Variants in MYO5B observed in about 807,000 individuals in gnomAD.
The protein encoded by MYO5B is unconventional myosin-Vb.
Under a neutral mutation model 229.3 loss-of-function variants are expected in MYO5B, and 143 were observed. The ratio of observed to expected loss-of-function variants is 0.62; its 90% confidence interval spans 0.54 to 0.72. MYO5B has a LOEUF of 0.72. Among genes scored for constraint, MYO5B ranks in the 30% least tolerant of loss-of-function variants. The probability of loss-of-function intolerance (pLI) is 0.00; values close to 1 mark genes in which losing one functional copy is unlikely to be tolerated. For missense variants in MYO5B, 2,321 were observed against 2,331.0 expected (o/e 1.00, Z 0.09); for synonymous variants, 918 against 885.2 (o/e 1.04, Z -0.66).
intron 22 of MYO5B, among the ~76,000 whole-genome samples, chr18:49,892,395 G>A (rs2024725984): frequency 2.0e-5 from 3 of 152,312 alleles, no homozygotes; most frequent in African/African-American, 4.8e-5. Flanking sequence ...GGGCAGCCAC[G>A]TGGCCCACCA....
chr18:49,922,246 C>G (rs968161888), intron 17 of MYO5B, among the ~76,000 whole-genome samples: 3 of 152,196 alleles, frequency 2.0e-5, no homozygotes, highest in Non-Finnish European at 4.4e-5. Flanking sequence ...TTGCTTTATC[C>G]CCAGACACAG....
chr18:50,167,757 C>T (rs2032873440), intron 1 of MYO5B, among the ~76,000 whole-genome samples: 1 of 152,162 alleles, frequency 6.6e-6, no homozygotes, highest in Admixed American at 6.6e-5. Flanking sequence ...AAGAGATTAT[C>T]TCCTATGCCT....
chr18:50,123,665 C>T (rs1386925081), intron 1 of MYO5B, among the ~76,000 whole-genome samples: 3 of 152,272 alleles, frequency 2.0e-5, no homozygotes, highest in East Asian at 3.9e-4. Flanking sequence ...CATGATCGTA[C>T]CACTGCACTC....
chr18:50,125,687 A>T (rs1468664387), intron 1 of MYO5B, among the ~76,000 whole-genome samples: 1 of 152,232 alleles, frequency 6.6e-6, no homozygotes, highest in Admixed American at 6.5e-5. Context: ...AATCAACAGC[A>T]GGAATTCAAA....
At position 50,080,367 on chromosome 18, in the gene MYO5B, C is replaced by G. The variant is rs1203960259; in HGVS notation, c.28-24989G>C. ...TCACTTCCAGGGCAGCCAATCAAAG[C>G]AACTACCTCCCTGAAAGCAAATCTA... is the stretch of plus-strand genomic sequence containing the variant. On this transcript the variant is annotated intron_variant, in intron 1 of 39. Coordinates refer to ENST00000285039, the MANE Select transcript of MYO5B (RefSeq NM_001080467.3). Among the ~76,000 whole-genome samples the G allele has an allele frequency of 2.0e-5, 3 of 152,270 alleles. No individual in the cohort carries two copies. In the East Asian group the frequency reaches 5.8e-4, roughly 29 times the overall value.
intron 39 of MYO5B, among the ~76,000 whole-genome samples, chr18:49,830,723 CTATA>C (rs1003938615): frequency 2.7e-5 from 4 of 149,902 alleles, no homozygotes; most frequent in African/African-American, 9.8e-5. Flanking sequence ...TGGTGCATGC[CTATA>C]TTCCCTGAGG....
At chr18:50,096,590 G>A (rs2031555713) in intron 1 of MYO5B, among the ~76,000 whole-genome samples, 1 of 152,106 alleles carries the variant, frequency 6.6e-6, no homozygotes, top group South Asian at 2.1e-4. Context: ...AAGCCATTGA[G>A]GCTGATCTCC....
Position 49,878,888 on chromosome 18 carries a change from G to A in MYO5B, c.3276+57C>T. 1.9e-6 allele frequency: 3 copies of A among 1,605,144 alleles called. No homozygotes were observed. In the Admixed American group the frequency reaches 5.0e-5, roughly 27 times the overall value. On this transcript the variant is annotated intron_variant, in intron 24 of 39. Transcript: ENST00000285039. ...AGCAGTGCCTGAGATCACGTGGTCA[G>A]AAGCTGGACAGGAGCCAGGGACCTG...
chr18:49,936,447 T>C, intron 15 of MYO5B, 98 bp from the exon 16 acceptor site: 3 of 866,300 alleles, frequency 3.5e-6, no homozygotes, highest in Non-Finnish European at 5.7e-6. Flanking sequence ...ATTGTTACTA[T>C]TATATTATTA....
chr18:49,877,501 G>GA (rs1283381290), intron 25 of MYO5B, among the ~76,000 whole-genome samples: 3 of 143,994 alleles, frequency 2.1e-5, no homozygotes, highest in Non-Finnish European at 4.5e-5. Flanking sequence ...TTTTCAAGAG[G>GA]AATCAGAGAT....
chr18:50,037,479 T>C (rs1178643765), intron 3 of MYO5B, among the ~76,000 whole-genome samples: 1 of 152,242 alleles, frequency 6.6e-6, no homozygotes, highest in African/African-American at 2.4e-5. Flanking sequence ...TGAGATCTAA[T>C]CTTGGCTCAG....
At chr18:50,008,686 G>C (rs1465024092) in intron 4 of MYO5B, among the ~76,000 whole-genome samples, 1 of 152,182 alleles carries the variant, frequency 6.6e-6, no homozygotes, top group Non-Finnish European at 1.5e-5. Flanking sequence ...ACAGGAAGAA[G>C]GGGAAGCCTG....
chr18:49,846,807 T>C (rs1364068745), intron 33 of MYO5B, among the ~76,000 whole-genome samples: 5 of 152,110 alleles, frequency 3.3e-5, no homozygotes, highest in Admixed American at 3.3e-4. Context: ...GCCAAAGCAC[T>C]GTGGCCTGCA....
chr18:50,132,796 T>C (rs2032274674), intron 1 of MYO5B, among the ~76,000 whole-genome samples: 1 of 152,226 alleles, frequency 6.6e-6, no homozygotes, highest in Admixed American at 6.5e-5. Context: ...TCCAAGTACC[T>C]TGGCTGAAGC....
chr18:50,021,321 G>C (rs1475558156), intron 4 of MYO5B, among the ~76,000 whole-genome samples: 1 of 152,200 alleles, frequency 6.6e-6, no homozygotes, highest in African/African-American at 2.4e-5. Flanking sequence ...TCCATGGAGA[G>C]AGACACAAGA....
At chr18:50,120,805 G>GC (rs1368866104) in intron 1 of MYO5B, among the ~76,000 whole-genome samples, 1 of 152,168 alleles carries the variant, frequency 6.6e-6, no homozygotes, top group Admixed American at 6.5e-5. Flanking sequence ...CCCCAGGCTG[G>GC]CCCACCTTCA....
chr18:50,115,456 G>C (rs2031941286), intron 1 of MYO5B, among the ~76,000 whole-genome samples: 1 of 151,878 alleles, frequency 6.6e-6, no homozygotes, highest in Non-Finnish European at 1.5e-5. Context: ...ATTATGTACG[G>C]AGCACCTACC....
intron 6 of MYO5B, 97 bp downstream of exon 6, chr18:49,992,191 G>A: frequency 6.6e-7 from 1 of 1,515,396 alleles, no homozygotes; most frequent in African/African-American, 1.4e-5. Flanking sequence ...AGGCTCACAA[G>A]AGAGATTCTC....
chr18:50,138,023 C>T (rs1790417), intron 1 of MYO5B, among the ~76,000 whole-genome samples: 126,370 of 152,012 alleles, frequency 0.83, 52,902 homozygotes, highest in Non-Finnish European at 0.88. Context: ...AAGATAACTA[C>T]TGGGTACTGG....
Sources: allele counts gnomAD v4.1 joint callset (sites outside exome capture counted in the v4.1 genomes callset), GRCh38; gene constraint gnomAD v4.1.1; transcripts MANE v1.5; gene names NCBI Gene and HGNC (gene_info 2026-07-23, HGNC 2026-07-21).